Variants in IPCEF1 observed in about 807,000 individuals in gnomAD.
IPCEF1 encodes interactor protein for cytohesin exchange factors 1.
A neutral mutation model predicts 50.9 loss-of-function variants in IPCEF1; 31 were observed. The observed-to-expected ratio is 0.61, with a 90% confidence interval of 0.46 to 0.82. The LOEUF (loss-of-function observed/expected upper bound fraction) is 0.82. IPCEF1 is among the 40% of genes least tolerant of loss of function. The pLI, the probability that IPCEF1 is intolerant of heterozygous loss-of-function variation, is 0.00. For missense variants in IPCEF1, 458 were observed against 514.0 expected, an observed-to-expected ratio of 0.89 and a Z score of 1.05; for synonymous variants, 181 against 192.0, an observed-to-expected ratio of 0.94 and a Z score of 0.47.
chr6:154,333,182 T>C (rs771697292), intron 1 of IPCEF1, among the ~76,000 whole-genome samples: 3 of 152,160 alleles, frequency 2.0e-5, no homozygotes, highest in Admixed American at 1.3e-4. Context: ...TGATTAATAC[T>C]GAGTGTCAAC....
At position 154,313,921 on chromosome 6, in the gene IPCEF1, A is replaced by T. The variant is rs368883933; in HGVS notation, c.-61-24165T>A. ...ACCACACCTGGCTAATTTTTTTTTT[A>T]ATTTCTTGTACAAATGGGATCCCAC... On this transcript the variant is annotated intron_variant, in intron 1 of 11. Transcript: ENST00000367220. 2.2e-4 allele frequency among the ~76,000 whole-genome samples: 33 copies of T among 151,100 alleles called. No individual in the cohort carries two copies. The East Asian group carries it at 5.4e-3, about 25-fold the overall frequency.
At chr6:154,324,433 A>G (rs1436202639) in intron 1 of IPCEF1, among the ~76,000 whole-genome samples, 1 of 152,052 alleles carries the variant, frequency 6.6e-6, no homozygotes, top group Non-Finnish European at 1.5e-5. Context: ...AAATACATAA[A>G]TAATAAAAAG....
intron 1 of IPCEF1, among the ~76,000 whole-genome samples, chr6:154,323,724 G>A (rs1383451204): frequency 1.3e-5 from 2 of 152,106 alleles, no homozygotes; most frequent in African/African-American, 4.8e-5. Context: ...AGGCCGAGGT[G>A]GGCAGATCAC....
chr6:154,288,004 A>G (rs1319591865), intron 2 of IPCEF1, among the ~76,000 whole-genome samples: 1 of 152,274 alleles, frequency 6.6e-6, no homozygotes, highest in Non-Finnish European at 1.5e-5. Context: ...TCTTTTATAT[A>G]CATGTTGAAA....
chr6:154,307,109 G>T (rs1562282589), intron 1 of IPCEF1, among the ~76,000 whole-genome samples: 1 of 152,098 alleles, frequency 6.6e-6, no homozygotes, highest in Admixed American at 6.6e-5. Flanking sequence ...CTTTTCTAAA[G>T]GCCCTGCCTA....
chr6:154,273,500 G>A (rs554467399), intron 2 of IPCEF1, among the ~76,000 whole-genome samples: 18 of 152,062 alleles, frequency 1.2e-4, no homozygotes, highest in Non-Finnish European at 2.2e-4. Context: ...AAGGACATGA[G>A]ATAATCCATT....
chr6:154,353,634 A>G (rs939911152), intron 1 of IPCEF1, among the ~76,000 whole-genome samples: 2 of 152,212 alleles, frequency 1.3e-5, no homozygotes, highest in Non-Finnish European at 2.9e-5. Flanking sequence ...GATTATTAAA[A>G]TAGTTCAGGT....
chr6:154,322,974 G>T (rs565143104), intron 1 of IPCEF1, among the ~76,000 whole-genome samples: 5 of 152,166 alleles, frequency 3.3e-5, no homozygotes, highest in South Asian at 2.1e-4. Context: ...ACAAATATAT[G>T]AAACAGTTAG....
chr6:154,224,030 T>G (rs905671180), intron 5 of IPCEF1, among the ~76,000 whole-genome samples: 16 of 152,202 alleles, frequency 1.1e-4, no homozygotes, highest in Admixed American at 1.3e-4. Context: ...CAAATAAAGT[T>G]TAACTGAGCC....
chr6:154,287,871 T>G (rs762075845), intron 2 of IPCEF1, among the ~76,000 whole-genome samples: 77 of 152,208 alleles, frequency 5.1e-4, no homozygotes, highest in Admixed American at 2.2e-3. Context: ...ATGAAAAATA[T>G]GAATATAAAA....
chr6:154,170,638 T>C (rs1210380728), intron 10 of IPCEF1, among the ~76,000 whole-genome samples: 1 of 152,192 alleles, frequency 6.6e-6, no homozygotes, highest in African/African-American at 2.4e-5. Flanking sequence ...GACTTTTGGC[T>C]CACACCGTGT....
At chr6:154,253,173 T>C (rs1019293268) in intron 3 of IPCEF1, among the ~76,000 whole-genome samples, 3 of 152,126 alleles carry the variant, frequency 2.0e-5, no homozygotes, top group Non-Finnish European at 4.4e-5. Context: ...GAATGTGATG[T>C]TGATCATTTC....
intron 9 of IPCEF1, among the ~76,000 whole-genome samples, chr6:154,207,791 TC>T (rs1392934414): frequency 6.6e-6 from 1 of 152,228 alleles, no homozygotes; most frequent in African/African-American, 2.4e-5. Flanking sequence ...AAAAACTACT[TC>T]AGAAAAACAT....
At chr6:154,300,770 A>C (rs745766202) in intron 1 of IPCEF1, among the ~76,000 whole-genome samples, 4 of 152,220 alleles carry the variant, frequency 2.6e-5, no homozygotes, top group Non-Finnish European at 4.4e-5. Flanking sequence ...GCCCCTTAGC[A>C]AATTACTCTT....
At chr6:154,208,014 T>C (rs1381954217) in intron 9 of IPCEF1, among the ~76,000 whole-genome samples, 1 of 152,198 alleles carries the variant, frequency 6.6e-6, no homozygotes, top group African/African-American at 2.4e-5. Flanking sequence ...GCTTACTGTA[T>C]ACCCTCTCTT....
intron 3 of IPCEF1, among the ~76,000 whole-genome samples, chr6:154,248,048 T>C (rs1207025041): frequency 1.3e-5 from 2 of 152,192 alleles, no homozygotes; most frequent in East Asian, 3.8e-4. Flanking sequence ...GAGAGTTCAG[T>C]AGCAATCAAC....
intron 9 of IPCEF1, among the ~76,000 whole-genome samples, chr6:154,211,197 A>C (rs1202784095): frequency 6.6e-6 from 1 of 152,076 alleles, no homozygotes; most frequent in African/African-American, 2.4e-5. Context: ...CAGGCGGATC[A>C]TGAGGTCAGG....
Position 154,212,791 on chromosome 6 carries a change from G to A in IPCEF1, c.516C>T (p.His172=), listed in dbSNP as rs761835449. ...EIAAETPPPP[H]ASQTQSLTAQ... ...ATACCAAAGACTGAGTCTGGGAAGCGTGAGGAGGGGGTGGTGTCTCCGCAG... is the reference window on the plus strand; with the variant it reads ...ATACCAAAGACTGAGTCTGGGAAGCATGAGGAGGGGGTGGTGTCTCCGCAG... The change falls in exon 9 of 12, where the codon CAC becomes CAT. Residue 172 remains histidine, a synonymous_variant. Coordinates refer to ENST00000367220, the MANE Select transcript of IPCEF1 (RefSeq NM_001130700.2). 1.9e-5 allele frequency: 30 copies of A among 1,612,476 alleles called. No homozygotes were observed. Among genetic ancestry groups the A allele is most frequent in the East Asian group, 6.7e-5 (3 of 44,878 alleles).
chr6:154,178,606 C>G (rs1273981719), intron 10 of IPCEF1, among the ~76,000 whole-genome samples: 1 of 152,004 alleles, frequency 6.6e-6, no homozygotes, highest in African/African-American at 2.4e-5. Flanking sequence ...TTAAAATTAA[C>G]AAACAGATAA....
Sources: gnomAD v4.1 joint callset for allele counts (sites outside exome capture counted in the v4.1 genomes callset) on GRCh38, gnomAD v4.1.1 for gene constraint, MANE v1.5 for transcripts, NCBI Gene and HGNC (gene_info 2026-07-23, HGNC 2026-07-21) for gene names.